Variants in STK40 observed in about 807,000 individuals in gnomAD.
STK40 encodes serine/threonine kinase 40, also known as serine/threonine-protein kinase 40.
Under a neutral mutation model 47.9 loss-of-function variants are expected in STK40, and 13 were observed. The observed-to-expected ratio is 0.27, with a 90% CI of 0.18 to 0.43. STK40 has a LOEUF of 0.43. Ranked by LOEUF, STK40 falls within the 20% of genes least tolerant of loss-of-function variation. The pLI is 1.00. For missense variants in STK40, 460 were observed against 595.1 expected (o/e 0.77, Z 2.36); for synonymous variants, 225 against 243.2 (o/e 0.93, Z 0.69).
chr1:36,341,648 A>C lies in STK40; in HGVS notation c.*107T>G. 7.2e-7 allele frequency: 1 copy of C among 1,381,186 alleles called. No homozygotes were observed. Among genetic ancestry groups the C allele is most frequent in the Non-Finnish European group, 1.0e-6 (1 of 1,001,786 alleles). 85.6% of individuals were successfully genotyped at this position (1,381,186 alleles called of 1,614,324 possible). On this transcript the variant is annotated 3_prime_UTR_variant, in exon 11 of 11. Coordinates refer to ENST00000373132, the MANE Select transcript of STK40 (RefSeq NM_001282547.2). ...CTGTCCCTGTCCCTGCCCTGTCCCT[A>C]TTGTGGCCCGGGAGAGTCCAGCACT...
At chr1:36,382,732 C>A (rs941045373) in intron 1 of STK40, among the ~76,000 whole-genome samples, 9 of 152,168 alleles carry the variant, frequency 5.9e-5, no homozygotes, top group African/African-American at 7.2e-5. Context: ...CCTAAAAGTT[C>A]TTTCCTGTAG....
chr1:36,371,537 T>C (rs1376944033), intron 1 of STK40, among the ~76,000 whole-genome samples: 1 of 150,818 alleles, frequency 6.6e-6, no homozygotes, highest in Non-Finnish European at 1.5e-5. Context: ...CCAGCCTGGG[T>C]GACAGAGCGA....
intron 6 of STK40, among the ~76,000 whole-genome samples, chr1:36,349,399 A>T (rs1323617610): frequency 1.3e-5 from 2 of 152,200 alleles, no homozygotes; most frequent in Admixed American, 1.3e-4. Context: ...CCTGTTTCAG[A>T]TGATACAACA....
At chr1:36,353,651 C>T (rs979814834) in intron 6 of STK40, among the ~76,000 whole-genome samples, 4 of 152,252 alleles carry the variant, frequency 2.6e-5, no homozygotes, top group Non-Finnish European at 5.9e-5. Context: ...ATGCCCCTCC[C>T]TAAGGACAGC....
intron 4 of STK40, among the ~76,000 whole-genome samples, chr1:36,355,872 C>T (rs577710301): frequency 1.3e-5 from 2 of 152,260 alleles, no homozygotes; most frequent in East Asian, 3.9e-4. Context: ...TCTTGGCAGG[C>T]TCCAGAGGCC....
chr1:36,371,748 C>T (rs964527234), intron 1 of STK40, among the ~76,000 whole-genome samples: 5 of 144,024 alleles, frequency 3.5e-5, no homozygotes, highest in African/African-American at 1.0e-4. Flanking sequence ...GTAATCCCAG[C>T]ACTTTAGGAG....
chr1:36,351,469 G>A lies in STK40; in HGVS notation c.624-2654C>T, dbSNP rs541222286. Among the ~76,000 whole-genome samples the A allele has an allele frequency of 8.5e-5, 13 of 152,246 alleles. 1 individual carries two copies. In the South Asian group the frequency reaches 2.5e-3, roughly 29 times the overall value. ...GCCCCAGAGCGGAGGGTGTGCCAGAGGACACACACGGAGCAGTGAGTCTCT... is the reference window on the plus strand; with the variant it reads ...GCCCCAGAGCGGAGGGTGTGCCAGAAGACACACACGGAGCAGTGAGTCTCT... On this transcript the variant is annotated intron_variant, in intron 6 of 10. Coordinates refer to ENST00000373132, the MANE Select transcript of STK40 (RefSeq NM_001282547.2).
At position 36,339,926 on chromosome 1, in the gene STK40, A is replaced by C. The variant is rs1280840066; in HGVS notation, c.*1829T>G. 1.3e-5 allele frequency: 2 copies of C among 152,306 alleles called. No homozygotes were observed. The highest frequency in any genetic ancestry group is 2.1e-4 in the South Asian group (1 of 4,818). 9.4% of individuals were successfully genotyped at this position (152,306 alleles called of 1,614,324 possible). ...CACGCACGGGCAGCAGCCTGGAGGGACCCGGTGGGCTGCTGAGAGGGGGCT... is the reference window on the plus strand; with the variant it reads ...CACGCACGGGCAGCAGCCTGGAGGGCCCCGGTGGGCTGCTGAGAGGGGGCT... On this transcript the variant is annotated 3_prime_UTR_variant, in exon 11 of 11. Coordinates refer to ENST00000373132, the MANE Select transcript of STK40 (RefSeq NM_001282547.2).
intron 7 of STK40, among the ~76,000 whole-genome samples, chr1:36,345,723 T>C (rs1646693531): frequency 6.6e-6 from 1 of 151,986 alleles, no homozygotes; most frequent in African/African-American, 2.4e-5. Context: ...GGCTGGAAGA[T>C]GCTTCCTGTT....
At chr1:36,367,253 G>GA (rs765725632) in intron 1 of STK40, among the ~76,000 whole-genome samples, 13 of 152,192 alleles carry the variant, frequency 8.5e-5, no homozygotes, top group Non-Finnish European at 1.8e-4. Context: ...AGGAGGCCAG[G>GA]AAAGAGCAAG....
chr1:36,344,000 G>A (rs1219681718), intron 8 of STK40, 21 bp from the exon 9 acceptor site: 6 of 1,598,398 alleles, frequency 3.8e-6, no homozygotes, highest in Non-Finnish European at 5.1e-6. Context: ...GAGTTGGGGA[G>A]GAGGGCTCAG....
At chr1:36,358,099 C>T in intron 4 of STK40, 140 bp downstream of exon 4, 1 of 1,089,348 alleles carries the variant, frequency 9.2e-7, no homozygotes, top group Non-Finnish European at 1.2e-6. Context: ...TCTCACCCAC[C>T]CTGGAAGTCC....
chr1:36,348,846 C>T, intron 6 of STK40, 31 bp from the exon 7 acceptor site: 1 of 1,557,974 alleles, frequency 6.4e-7, no homozygotes, highest in South Asian at 1.2e-5. Flanking sequence ...GAACAAACCT[C>T]AGTGTCTATA....
At chr1:36,374,974 T>TC (rs1646979521) in intron 1 of STK40, among the ~76,000 whole-genome samples, 1 of 152,126 alleles carries the variant, frequency 6.6e-6, no homozygotes, top group Non-Finnish European at 1.5e-5. Context: ...CATGTGGAGT[T>TC]CAAGTTCTTA....
At chr1:36,375,125 AC>A (rs1646980367) in intron 1 of STK40, among the ~76,000 whole-genome samples, 1 of 152,170 alleles carries the variant, frequency 6.6e-6, no homozygotes, top group Non-Finnish European at 1.5e-5. Context: ...CATCTGGAGG[AC>A]AGGGACAGCG....
At position 36,358,719 on chromosome 1, in the gene STK40, C is replaced by T. The variant is rs2124737143; in HGVS notation, c.198+18G>A. 7 of 1,613,454 alleles carry T rather than the reference C, an allele frequency of 4.3e-6. No individual in the cohort carries two copies. The highest frequency in any genetic ancestry group is 5.9e-6 in the Non-Finnish European group (7 of 1,179,518). On this transcript the variant is annotated intron_variant, in intron 3 of 10. Transcript: ENST00000373132. ...AGGCCCTGTTCCTGAGGCACCCTCA[C>T]CCCCATGTCTCACTTACCTTCAGCT...
At chr1:36,346,966 T>C (rs1646707933) in intron 7 of STK40, among the ~76,000 whole-genome samples, 1 of 152,172 alleles carries the variant, frequency 6.6e-6, no homozygotes, top group African/African-American at 2.4e-5. Flanking sequence ...TGCTGGGCCA[T>C]GGGGGTGGTG....
intron 3 of STK40, 111 bp downstream of exon 3, chr1:36,358,626 A>G: frequency 7.9e-7 from 1 of 1,262,896 alleles, no homozygotes; most frequent in South Asian, 1.4e-5. Context: ...TCGGGAAGAA[A>G]TGGCGCTACT....
At chr1:36,377,351 G>A (rs1254910603) in intron 1 of STK40, among the ~76,000 whole-genome samples, 2 of 151,240 alleles carry the variant, frequency 1.3e-5, no homozygotes, top group Admixed American at 6.6e-5. Flanking sequence ...TGGCCAACAT[G>A]GTAAAACCCC....
Sources: allele counts gnomAD v4.1 joint callset (sites outside exome capture counted in the v4.1 genomes callset), GRCh38; gene constraint gnomAD v4.1.1; transcripts MANE v1.5; gene names NCBI Gene and HGNC (gene_info 2026-07-23, HGNC 2026-07-21).